The following P2RY8 variants were observed in gnomAD, a reference collection of about 807,000 sequenced individuals.
P2RY8 encodes the protein P2Y receptor family member 8.
A neutral mutation model predicts 10.0 loss-of-function variants in P2RY8; 6 were observed. The observed-to-expected ratio is 0.60, with a 90% confidence interval of 0.33 to 1.19. The LOEUF is 1.19. P2RY8 is among the 50% of genes most tolerant of loss of function. The pLI is 0.04. For synonymous variants in P2RY8, 276 were observed against 252.5 expected (o/e 1.09, Z -0.88); for missense variants, 456 against 542.0 (o/e 0.84, Z 1.58).
intron 1 of P2RY8, among the ~76,000 whole-genome samples, chrX:1,493,458 AGGGAGGAG>A (rs1404425379): frequency 9.3e-6 from 1 of 106,982 alleles, no homozygotes; most frequent in Non-Finnish European, 1.9e-5. Flanking sequence ...AGGAGGAAGG[AGGGAGGAG>A]GGAGGGAGGG....
intron 1 of P2RY8, among the ~76,000 whole-genome samples, chrX:1,468,547 GGTTTGGGCCCCGC>G (rs1457047451): frequency 1.6e-4 from 25 of 152,272 alleles, no homozygotes; most frequent in Non-Finnish European, 2.6e-4. Flanking sequence ...ACAGGCTTGC[GGTTTGGGCCCCGC>G]CGGGGCTCAG....
At chrX:1,518,163 C>T (rs1323671670) in intron 1 of P2RY8, among the ~76,000 whole-genome samples, 2 of 151,154 alleles carry the variant, frequency 1.3e-5, no homozygotes, top group Non-Finnish European at 2.9e-5. Context: ...CGGTGGCTCA[C>T]GCCCGTCATC....
intron 1 of P2RY8, among the ~76,000 whole-genome samples, chrX:1,530,269 T>TTATCTATCTATCTATA (rs1556687145): frequency 6.7e-6 from 1 of 148,280 alleles, no homozygotes; most frequent in Non-Finnish European, 1.5e-5. Flanking sequence ...ATCATCACCA[T>TTATCTATCTATCTATA]TATCTATCTA....
chrX:1,468,569 A>C (rs1329766648), intron 1 of P2RY8, among the ~76,000 whole-genome samples: 1 of 152,134 alleles, frequency 6.6e-6, no homozygotes, highest in African/African-American at 2.4e-5. Flanking sequence ...GCCGGGGCTC[A>C]GCGGGCAGGA....
At chrX:1,524,393 CCCTCCATCCATG>C (rs2092415086) in intron 1 of P2RY8, among the ~76,000 whole-genome samples, 1 of 137,696 alleles carries the variant, frequency 7.3e-6, no homozygotes. Flanking sequence ...ATCCATCCAT[CCCTCCATCCATG>C]CATGCATCCA....
At chrX:1,467,309 C>T (rs1647261600) in intron 1 of P2RY8, among the ~76,000 whole-genome samples, 1 of 152,172 alleles carries the variant, frequency 6.6e-6, no homozygotes, top group Admixed American at 6.5e-5. Context: ...CCTGCGACTT[C>T]TTACCAACTG....
chrX:1,480,805 G>T (rs1480257931), intron 1 of P2RY8, among the ~76,000 whole-genome samples: 1 of 151,056 alleles, frequency 6.6e-6, no homozygotes, highest in Non-Finnish European at 1.5e-5. Context: ...ATGTACCCCA[G>T]AACTTAAAGT....
At chrX:1,503,618 G>T (rs2092200503) in intron 1 of P2RY8, among the ~76,000 whole-genome samples, 1 of 152,172 alleles carries the variant, frequency 6.6e-6, no homozygotes, top group Non-Finnish European at 1.5e-5. Context: ...AAATTAGCCA[G>T]GTGTGGTGGC....
chrX:1,471,033 G>T (rs1298734264), intron 1 of P2RY8, among the ~76,000 whole-genome samples: 1 of 150,088 alleles, frequency 6.7e-6, no homozygotes, highest in Non-Finnish European at 1.5e-5. Context: ...TTGAGAGGGA[G>T]TTTCGCTCTT....
rs768829874 is a variant in P2RY8, at chrX:1,465,874, G to A, written c.685C>T (p.Arg229Trp). The change falls in exon 2 of 2, where the codon CGG becomes TGG. Residue 229 changes from arginine to tryptophan, a missense_variant. By Grantham distance (101) the Arg-to-Trp change is moderately radical. Coordinates refer to ENST00000381297, the MANE Select transcript of P2RY8 (RefSeq NM_178129.5). ...CCCACCGCGCGCCTCCGCTGCTCCC[G>A]GCCGTGCGCCTCCTCCGTGCGCAAC... is the stretch of plus-strand genomic sequence containing the variant. ...KLLRTEEAHG[R>W]EQRRRAVGLA... is the part of the protein sequence containing the mutation. The A allele has an allele frequency of 3.8e-5, 61 of 1,612,340 alleles. No individual in the cohort carries two copies. Among genetic ancestry groups the A allele is most frequent in the Non-Finnish European group, 4.7e-5 (56 of 1,179,680 alleles).
chrX:1,475,196 T>C (rs1250525626), intron 1 of P2RY8, among the ~76,000 whole-genome samples: 1 of 146,754 alleles, frequency 6.8e-6, no homozygotes, highest in Admixed American at 6.8e-5. Flanking sequence ...GGTAGATGGA[T>C]GGGCAGATGT....
intron 1 of P2RY8, among the ~76,000 whole-genome samples, chrX:1,529,688 C>A (rs1257843014): frequency 1.3e-5 from 2 of 152,072 alleles, no homozygotes; most frequent in Admixed American, 1.3e-4. Flanking sequence ...TCTATCATAT[C>A]TATCATTTAT....
intron 1 of P2RY8, among the ~76,000 whole-genome samples, chrX:1,467,678 T>G (rs1404466445): frequency 6.6e-6 from 1 of 152,180 alleles, no homozygotes; most frequent in Non-Finnish European, 1.5e-5. Flanking sequence ...ATTGTTCTTT[T>G]GTTTGTTTGT....
At position 1,463,591 on chromosome X, in the gene P2RY8, G is replaced by T. The variant is rs765987171; in HGVS notation, c.*1888C>A. Reference sequence around the variant, plus strand: ...ATCCTTAAGTAATTACACATGCAAAGTTCCTTATTACCGAATAAAATCTAT... The same window carrying T: ...ATCCTTAAGTAATTACACATGCAAATTTCCTTATTACCGAATAAAATCTAT... On this transcript the variant is annotated 3_prime_UTR_variant, in exon 2 of 2. Coordinates refer to ENST00000381297, the MANE Select transcript of P2RY8 (RefSeq NM_178129.5). 12 of 232,954 alleles carry T rather than the reference G, an allele frequency of 5.2e-5. No homozygotes were observed. The South Asian group carries it at 1.8e-3, about 35-fold the overall frequency. The allele number at this position is 232,954 out of a possible 1,614,324, so 14.4% of individuals were successfully genotyped here. A position where few individuals can be genotyped will look rare whatever the true frequency, so the allele number is the denominator to read the frequency against.
At chrX:1,524,772 TC>T (rs2092426782) in intron 1 of P2RY8, among the ~76,000 whole-genome samples, 1 of 87,410 alleles carries the variant, frequency 1.1e-5, no homozygotes, top group African/African-American at 3.7e-5. Context: ...CATCCATCCA[TC>T]CATCCATCCA....
chrX:1,469,357 G>T lies in P2RY8; in HGVS notation c.-24-2775C>A, dbSNP rs1192479909. 1.3e-5 allele frequency among the ~76,000 whole-genome samples: 2 copies of T among 151,328 alleles called. 1 individual carries two copies. The highest frequency in any genetic ancestry group is 4.0e-4 in the East Asian group (2 of 5,016). ...TTTTTACTTTTTGTAGCCCCAAAAA[G>T]AGTTTCACCATGTTAACCAGGCTGG... On this transcript the variant is annotated intron_variant, in intron 1 of 1. Transcript: ENST00000381297.
chrX:1,493,373 GGAAGGAGGAAGGAGGGAGGGAGGGAAGGA>G, intron 1 of P2RY8, among the ~76,000 whole-genome samples: 1 of 56,562 alleles, frequency 1.8e-5, no homozygotes, highest in Non-Finnish European at 3.9e-5. Context: ...GGGGGAGGGA[GGAAGGAGGAAGGAGGGAGGGAGGGAAGGA>G]GGAAGGAGGA....
intron 1 of P2RY8, among the ~76,000 whole-genome samples, chrX:1,468,259 C>G (rs2091720082): frequency 1.3e-5 from 2 of 152,224 alleles, no homozygotes; most frequent in Admixed American, 6.5e-5. Flanking sequence ...CTTTAACTCT[C>G]CACGTAGGCA....
chrX:1,463,319 C>T lies in P2RY8; in HGVS notation c.*2160G>A, dbSNP rs1569536046. On this transcript the variant is annotated 3_prime_UTR_variant, in exon 2 of 2. Transcript: ENST00000381297. ...AAGCAGGAGGTTAATTTTCCTCCTT[C>T]TGTGGAAGTTCTGGGTCTCTTACGC... The T allele has an allele frequency of 4.3e-6, 1 of 232,858 alleles. No individual in the cohort carries two copies. The highest frequency in any genetic ancestry group is 2.2e-5 in the African/African-American group (1 of 45,306). The allele number at this position is 232,858 out of a possible 1,614,324, so 14.4% of individuals were successfully genotyped here.
Sources: gnomAD v4.1 joint callset for allele counts (sites outside exome capture counted in the v4.1 genomes callset) on GRCh38, gnomAD v4.1.1 for gene constraint, MANE v1.5 for transcripts, NCBI Gene and HGNC (gene_info 2026-07-23, HGNC 2026-07-21) for gene names.